CFAP92: variants seen among roughly 807,000 people sequenced by gnomAD.
CFAP92 encodes the protein cilia and flagella associated protein 92 (putative).
Under a neutral mutation model 106.3 loss-of-function variants are expected in CFAP92, and 86 were observed. The observed-to-expected ratio is 0.81, with a 90% CI of 0.68 to 0.97. The LOEUF is 0.97. Among genes scored for constraint, CFAP92 ranks in the 50% least tolerant of loss-of-function variants. The pLI, the probability that CFAP92 is intolerant of heterozygous loss-of-function variation, is 0.00. For synonymous variants in CFAP92, 477 were observed against 506.4 expected (o/e 0.94, Z 0.78); for missense variants, 1,204 against 1,283.8 (o/e 0.94, Z 0.95).
At chr3:128,953,621 C>T (rs1225268719) in intron 9 of CFAP92, among the ~76,000 whole-genome samples, 11 of 124,352 alleles carry the variant, frequency 8.8e-5, no homozygotes, top group South Asian at 5.2e-4. Context: ...CTCCCTCTCC[C>T]TCCCTCTCCG....
chr3:128,912,675 C>A (rs116106966), intron 15 of CFAP92: 2 of 1,345,624 alleles, frequency 1.5e-6, no homozygotes, highest in Admixed American at 1.7e-5. Flanking sequence ...GACTGTTACT[C>A]TTTTTTCAGA....
chr3:128,910,752 C>T lies in CFAP92; in HGVS notation c.3281-419G>A, dbSNP rs1398463636. On this transcript the variant is annotated intron_variant, in intron 15 of 15. Transcript: ENST00000645291. ...CTCGGTTCTGGCAGGTTCTCTTGGC[C>T]AACACCTTCTGCGTGGAAGCTTACT... is the stretch of plus-strand genomic sequence containing the variant. The T allele has an allele frequency of 2.5e-6, 4 of 1,614,198 alleles. No individual in the cohort carries two copies. The South Asian group carries it at 4.4e-5, about 18-fold the overall frequency.
Position 129,001,514 on chromosome 3 carries a change from A to T in CFAP92, n.117+1060T>A, listed in dbSNP as rs547077945. The T allele has an allele frequency of 4.7e-5, 62 of 1,326,656 alleles. 1 individual carries two copies. The South Asian group carries it at 1.2e-3, about 26-fold the overall frequency. 82.2% of individuals were successfully genotyped at this position (1,326,656 alleles called of 1,614,324 possible). On this transcript the variant is annotated intron_variant and non_coding_transcript_variant, in intron 1 of 4. Transcript: ENST00000510149. The stretch of plus-strand genomic sequence containing the variant: ...TGGACACGGTCCCCGGCGCCGCTCC[A>T]ACCAGACCGCGACCGCTAAGCCCCT...
intron 13 of CFAP92, 21 bp downstream of exon 13, chr3:128,916,086 C>T: frequency 1.6e-6 from 2 of 1,232,274 alleles, no homozygotes; most frequent in Non-Finnish European, 2.0e-6. Flanking sequence ...CAACTGCCAT[C>T]ATCCTGTCTG....
At chr3:129,021,754 T>C in the CFAP92 span, among the ~76,000 whole-genome samples, 2 of 152,214 alleles carry the variant, frequency 1.3e-5, no homozygotes, top group Non-Finnish European at 2.9e-5. Flanking sequence ...TAAATTCAAA[T>C]GTATCCATCA....
intron 3 of CFAP92, among the ~76,000 whole-genome samples, chr3:128,988,224 G>A (rs375713020): frequency 2.0e-5 from 3 of 152,154 alleles, no homozygotes; most frequent in African/African-American, 7.2e-5. Context: ...GAAACATTCT[G>A]GAAATTACTG....
intron 9 of CFAP92, among the ~76,000 whole-genome samples, chr3:128,953,217 T>C (rs1317370515): frequency 6.6e-6 from 1 of 151,410 alleles, no homozygotes; most frequent in East Asian, 2.0e-4. Context: ...ACAATAGAAA[T>C]AGAAATACCC....
rs1403288654 is a variant in CFAP92 at position 129,001,888 on chromosome 3, G to C, written n.117+686C>G. The C allele has an allele frequency of 3.2e-6, 5 of 1,540,032 alleles. No individual in the cohort carries two copies. The South Asian group carries it at 6.0e-5, about 19-fold the overall frequency. ...TTCCGAGCGCTCTGCGCTGTGCTGGGGCTGCGCGCGGAGGGGGCCACCACG... is the reference window on the plus strand; with the variant it reads ...TTCCGAGCGCTCTGCGCTGTGCTGGCGCTGCGCGCGGAGGGGGCCACCACG... On this transcript the variant is annotated intron_variant and non_coding_transcript_variant, in intron 1 of 4. Transcript: ENST00000510149.
chr3:128,988,697 T>C (rs1283264185), intron 3 of CFAP92, 31 bp downstream of exon 3: 3 of 1,606,644 alleles, frequency 1.9e-6, no homozygotes, highest in East Asian at 2.2e-5. Context: ...CATCAGACCA[T>C]ACACAAGGCC....
At chr3:128,993,609 C>T in intron 1 of CFAP92, 1 of 406,236 alleles carries the variant, frequency 2.5e-6, no homozygotes. Flanking sequence ...AGTCAGTCGC[C>T]GGGCTTCTGG....
chr3:129,009,374 G>A, the CFAP92 span, among the ~76,000 whole-genome samples: 1 of 152,104 alleles, frequency 6.6e-6, no homozygotes, highest in Non-Finnish European at 1.5e-5. Flanking sequence ...TTACTCTCTG[G>A]CAAATTCTCT....
the CFAP92 span, among the ~76,000 whole-genome samples, chr3:129,014,711 A>G: frequency 1.3e-5 from 2 of 152,188 alleles, no homozygotes; most frequent in African/African-American, 4.8e-5. This position sits in a 1 kb window ranked among gnomAD's most constrained non-coding sequence, Gnocchi z 4.3. Context: ...CTGAGTGGCA[A>G]GGTGGGGCCA....
intron 12 of CFAP92, among the ~76,000 whole-genome samples, chr3:128,924,708 A>G (rs1228725096): frequency 6.6e-6 from 1 of 151,856 alleles, no homozygotes; most frequent in Non-Finnish European, 1.5e-5. Flanking sequence ...CAGCCTCCCA[A>G]AGTGCTGGGA....
intron 2 of CFAP92, among the ~76,000 whole-genome samples, chr3:128,990,119 A>G (rs1944122097): frequency 6.6e-6 from 1 of 152,250 alleles, no homozygotes; most frequent in South Asian, 2.1e-4. Context: ...TCAAATATCC[A>G]CCAATAAGGG....
intron 9 of CFAP92, among the ~76,000 whole-genome samples, chr3:128,951,725 T>A (rs1408036554): frequency 6.6e-6 from 1 of 152,138 alleles, no homozygotes; most frequent in African/African-American, 2.4e-5. Flanking sequence ...AGCAAACTTT[T>A]AGGCAAATAA....
In CFAP92 at chr3:128,945,384, C is replaced by G; in HGVS notation, c.1945G>C (p.Ala649Pro). 1 of 1,536,032 alleles carries G rather than the reference C, an allele frequency of 6.5e-7. No homozygotes were observed. Among genetic ancestry groups the G allele is most frequent in the Non-Finnish European group, 8.7e-7 (1 of 1,146,908 alleles). ...AVPLRAGARAADPDLGGSQFG... is the reference protein window; with the variant it reads ...AVPLRAGARAPDPDLGGSQFG... ...TGGGAGCCCCCAAGGTCAGGATCAG[C>G]AGCTCTGGCCCCGGCCCTCAGTGGC... is the stretch of plus-strand genomic sequence containing the variant. Residue 649 changes from alanine (A) to proline (P), a missense_variant, in exon 10 of 16, where the codon GCT becomes CCT. Coordinates refer to ENST00000645291, the MANE Select transcript of CFAP92 (RefSeq NM_001394090.1).
intron 9 of CFAP92, among the ~76,000 whole-genome samples, chr3:128,949,232 C>T (rs1940554034): frequency 6.6e-6 from 1 of 152,170 alleles, no homozygotes; most frequent in Non-Finnish European, 1.5e-5. Flanking sequence ...GAACTGAAAA[C>T]TTATGTTCCT....
intron 7 of CFAP92, among the ~76,000 whole-genome samples, chr3:128,973,382 C>A (rs1464423312): frequency 2.0e-5 from 3 of 151,986 alleles, no homozygotes; most frequent in African/African-American, 7.3e-5. Context: ...TGAGGCCGGG[C>A]CCGGTGGCTC....
At chr3:129,003,870 G>A, upstream of CFAP92, 5 of 1,429,584 alleles carry the variant, frequency 3.5e-6, no homozygotes, top group South Asian at 1.4e-5. Flanking sequence ...CGGGAGCTGC[G>A]TCAGGCGCAG....
Sources: gnomAD v4.1 joint callset for allele counts (sites outside exome capture counted in the v4.1 genomes callset) on GRCh38, gnomAD v4.1.1 for gene constraint, Gnocchi (gnomAD v3.1) non-coding constraint, MANE v1.5 for transcripts, NCBI Gene and HGNC (gene_info 2026-07-23, HGNC 2026-07-21) for gene names.